The following SIPA1L2 variants were observed in gnomAD, a reference collection of about 807,000 sequenced individuals.
SIPA1L2 encodes the protein signal-induced proliferation-associated 1-like protein 2.
A neutral mutation model predicts 163.9 loss-of-function variants in SIPA1L2; 56 were observed. That is an observed-to-expected ratio of 0.34 (90% CI 0.28 to 0.43). The LOEUF (loss-of-function observed/expected upper bound fraction) is 0.43. SIPA1L2 is among the 20% of genes least tolerant of loss of function. The pLI, the probability that SIPA1L2 is intolerant of heterozygous loss-of-function variation, is 1.00. For synonymous variants in SIPA1L2, 877 were observed against 865.7 expected (o/e 1.01, Z -0.23); for missense variants, 1,974 against 2,193.5 (o/e 0.90, Z 2.00).
At chr1:232,441,915 C>T (rs761101156) in intron 12 of SIPA1L2, 47 bp from the exon 13 acceptor site, 32 of 1,520,108 alleles carry the variant, frequency 2.1e-5, no homozygotes, top group Non-Finnish European at 2.8e-5. Flanking sequence ...ACCGTGCCAC[C>T]TGCCAGCATG....
At chr1:232,511,476 C>T (rs1024697112) in intron 3 of SIPA1L2, among the ~76,000 whole-genome samples, 1 of 152,162 alleles carries the variant, frequency 6.6e-6, no homozygotes, top group Admixed American at 6.6e-5. Context: ...AATGTGATTA[C>T]AAAAGACATG....
chr1:232,479,265 G>A (rs1465130850), intron 7 of SIPA1L2, among the ~76,000 whole-genome samples: 2 of 151,662 alleles, frequency 1.3e-5, no homozygotes, highest in African/African-American at 4.9e-5. Context: ...AGTAACAACT[G>A]CAAACAGTAT....
At chr1:232,464,058 T>G (rs1002254946) in intron 9 of SIPA1L2, among the ~76,000 whole-genome samples, 2 of 152,116 alleles carry the variant, frequency 1.3e-5, no homozygotes, top group African/African-American at 2.4e-5. Context: ...AAAAAAAAAT[T>G]ACATCCCTCT....
intron 2 of SIPA1L2, among the ~76,000 whole-genome samples, chr1:232,523,507 A>C (rs1667548410): frequency 6.6e-6 from 1 of 152,212 alleles, no homozygotes; most frequent in South Asian, 2.1e-4. Context: ...GGAGAAAAGA[A>C]TTTCTACTTA....
rs558377080 is a variant in SIPA1L2, at chr1:232,406,788, C to G, written c.4763-2610G>C. On this transcript the variant is annotated intron_variant, in intron 19 of 22. Coordinates refer to ENST00000674635, the MANE Select transcript of SIPA1L2 (RefSeq NM_020808.5). ...GAGGGTGAGGAATAGAACGATAGTG[C>G]CTGCCCCAGATACATGCCAGATGGA... is the stretch of plus-strand genomic sequence containing the variant. Among the ~76,000 whole-genome samples the G allele has an allele frequency of 1.3e-3, 198 of 152,282 alleles. 1 individual carries two copies. Among genetic ancestry groups the G allele is most frequent in the African/African-American group, 4.5e-3 (187 of 41,570 alleles).
intron 1 of SIPA1L2, among the ~76,000 whole-genome samples, chr1:232,622,239 T>A (rs187724546): frequency 1.2e-3 from 184 of 152,294 alleles, no homozygotes; most frequent in African/African-American, 4.1e-3. Flanking sequence ...TAGCACTACG[T>A]TAAGATATTA....
intron 10 of SIPA1L2, among the ~76,000 whole-genome samples, chr1:232,447,395 C>G (rs1042209407): frequency 2.6e-5 from 4 of 152,256 alleles, no homozygotes; most frequent in African/African-American, 7.2e-5. Flanking sequence ...GCAATCGTAT[C>G]TCCCAGTCTG....
chr1:232,423,894 A>G (rs1229197134), intron 18 of SIPA1L2, among the ~76,000 whole-genome samples: 1 of 152,234 alleles, frequency 6.6e-6, no homozygotes, highest in Non-Finnish European at 1.5e-5. Context: ...AAGGCTGCAT[A>G]CTGCATGATT....
chr1:232,529,863 G>A lies in SIPA1L2; in HGVS notation c.-269-14255C>T, dbSNP rs574595707. ...GGCAAGAGAAAGCCGTAAGAGATCT[G>A]TATTATGCTCTTGAGCACGGCCCCA... On this transcript the variant is annotated intron_variant, in intron 2 of 22. Coordinates refer to ENST00000674635, the MANE Select transcript of SIPA1L2 (RefSeq NM_020808.5). Among the ~76,000 whole-genome samples, 5 of 152,314 alleles carry A rather than the reference G, an allele frequency of 3.3e-5. No homozygotes were observed. The East Asian group carries it at 9.7e-4, about 29-fold the overall frequency.
intron 2 of SIPA1L2, among the ~76,000 whole-genome samples, chr1:232,526,451 A>G (rs1558245462): frequency 6.6e-6 from 1 of 152,210 alleles, no homozygotes; most frequent in East Asian, 1.9e-4. Flanking sequence ...ACTTCAGATC[A>G]TGAGACATTA....
intron 3 of SIPA1L2, among the ~76,000 whole-genome samples, chr1:232,495,709 A>G (rs1666150230): frequency 6.6e-6 from 1 of 152,224 alleles, no homozygotes; most frequent in Admixed American, 6.5e-5. Flanking sequence ...GACGCAACAC[A>G]TATACCAATG....
chr1:232,474,472 C>T (rs978761416), intron 7 of SIPA1L2, among the ~76,000 whole-genome samples: 1 of 152,142 alleles, frequency 6.6e-6, no homozygotes, highest in Non-Finnish European at 1.5e-5. Flanking sequence ...CTTAAACAAA[C>T]CAGTATCTCA....
chr1:232,418,054 G>A lies in SIPA1L2; in HGVS notation c.4631-2429C>T, dbSNP rs547109545. ...ATGTTTTACTAAGAAATGCCAACTC[G>A]TGAATTTTCCTTGTGTTTATAAAGA... On this transcript the variant is annotated intron_variant, in intron 18 of 22. Transcript: ENST00000674635. Among the ~76,000 whole-genome samples the A allele has an allele frequency of 9.2e-5, 14 of 152,290 alleles. No homozygotes were observed. In the South Asian group the frequency reaches 1.2e-3, roughly 14 times the overall value.
At chr1:232,474,896 T>C (rs1664964647) in intron 7 of SIPA1L2, among the ~76,000 whole-genome samples, 1 of 152,206 alleles carries the variant, frequency 6.6e-6, no homozygotes. Context: ...TCTATGTATA[T>C]GGGTTCATTT....
intron 10 of SIPA1L2, among the ~76,000 whole-genome samples, chr1:232,458,222 C>CA (rs1664040290): frequency 6.6e-6 from 1 of 152,124 alleles, no homozygotes; most frequent in Non-Finnish European, 1.5e-5. Context: ...GAGGCAAGGG[C>CA]AAAATCTTTA....
chr1:232,580,283 AG>A (rs1224936519), intron 1 of SIPA1L2, among the ~76,000 whole-genome samples: 1 of 152,190 alleles, frequency 6.6e-6, no homozygotes, highest in Non-Finnish European at 1.5e-5. Flanking sequence ...ATGAGCAATG[AG>A]GATGACCAGA....
intron 19 of SIPA1L2, among the ~76,000 whole-genome samples, chr1:232,407,951 G>A (rs981521582): frequency 2.0e-5 from 3 of 152,076 alleles, no homozygotes; most frequent in Non-Finnish European, 4.4e-5. Context: ...TTTTCTGGTC[G>A]GGTTTGTTCC....
intron 22 of SIPA1L2, among the ~76,000 whole-genome samples, chr1:232,399,855 C>G (rs1381198658): frequency 6.6e-6 from 1 of 152,110 alleles, no homozygotes; most frequent in East Asian, 1.9e-4. Context: ...TCAGTTCCCC[C>G]CCTGCTGAAA....
intron 10 of SIPA1L2, among the ~76,000 whole-genome samples, chr1:232,454,337 T>C (rs964048929): frequency 2.0e-5 from 3 of 152,198 alleles, no homozygotes; most frequent in Admixed American, 1.3e-4. Context: ...TGGCACTTAC[T>C]AATTCATCAG....
Sources: gnomAD v4.1 joint callset for allele counts (sites outside exome capture counted in the v4.1 genomes callset) on GRCh38, gnomAD v4.1.1 for gene constraint, MANE v1.5 for transcripts, NCBI Gene and HGNC (gene_info 2026-07-23, HGNC 2026-07-21) for gene names.